Variants in SH3RF1 observed in about 807,000 individuals in gnomAD.
SH3RF1 encodes SH3 domain containing ring finger 1, also known as E3 ubiquitin-protein ligase SH3RF1.
A neutral mutation model predicts 74.0 loss-of-function variants in SH3RF1; 32 were observed. That is an observed-to-expected ratio of 0.43 (90% CI 0.33 to 0.58). SH3RF1 has a LOEUF of 0.58. Ranked by LOEUF, SH3RF1 falls within the 20% of genes least tolerant of loss-of-function variation. The pLI, the probability that SH3RF1 is intolerant of heterozygous loss-of-function variation, is 0.05. For missense variants in SH3RF1, 954 were observed against 1,130.9 expected (o/e 0.84, Z 2.24); for synonymous variants, 396 against 439.6 (o/e 0.90, Z 1.24).
At chr4:169,116,671 C>T in intron 9 of SH3RF1, 41 bp from the exon 10 acceptor site, 2 of 1,504,190 alleles carry the variant, frequency 1.3e-6, no homozygotes, top group Non-Finnish European at 1.8e-6. Flanking sequence ...ATTCAACTAT[C>T]TAATAGATGC....
intron 6 of SH3RF1, among the ~76,000 whole-genome samples, chr4:169,126,809 T>G (rs943466903): frequency 6.6e-6 from 1 of 152,174 alleles, no homozygotes; most frequent in Non-Finnish European, 1.5e-5. Context: ...CATGCTGGTC[T>G]CGAACTCCTG....
intron 2 of SH3RF1, among the ~76,000 whole-genome samples, chr4:169,255,914 C>T (rs557796072): frequency 6.6e-5 from 10 of 152,072 alleles, no homozygotes; most frequent in South Asian, 2.1e-4. Context: ...AGAGCAGGCA[C>T]GAGCCACCAT....
intron 2 of SH3RF1, among the ~76,000 whole-genome samples, chr4:169,213,589 T>A (rs2660415): frequency 0.65 from 99,532 of 152,104 alleles, 32,613 homozygotes; most frequent in Middle Eastern, 0.78. Flanking sequence ...GCATCTAAAA[T>A]GTCACCACCA....
chr4:169,097,004 C>A (rs1034664664), intron 11 of SH3RF1, among the ~76,000 whole-genome samples: 1 of 152,096 alleles, frequency 6.6e-6, no homozygotes, highest in African/African-American at 2.4e-5. Flanking sequence ...TTTCATTTCC[C>A]GAGAGGGGTA....
intron 2 of SH3RF1, among the ~76,000 whole-genome samples, chr4:169,227,991 TA>T (rs1730677420): frequency 6.6e-6 from 1 of 152,258 alleles, no homozygotes; most frequent in Non-Finnish European, 1.5e-5. Flanking sequence ...TGAATTTTAT[TA>T]AGGATTTCAT....
intron 2 of SH3RF1, among the ~76,000 whole-genome samples, chr4:169,169,477 G>A (rs145561500): frequency 6.6e-6 from 1 of 151,920 alleles, no homozygotes; most frequent in East Asian, 1.9e-4. Flanking sequence ...CATACCTGTA[G>A]TCCCAGCTAC....
chr4:169,157,853 G>C (rs1332196847), intron 2 of SH3RF1, among the ~76,000 whole-genome samples: 2 of 151,620 alleles, frequency 1.3e-5, no homozygotes, highest in Non-Finnish European at 2.9e-5. Flanking sequence ...TGATTTTAAC[G>C]CTTCAGCCTC....
chr4:169,228,553 C>G (rs1220940608), intron 2 of SH3RF1, among the ~76,000 whole-genome samples: 1 of 152,158 alleles, frequency 6.6e-6, no homozygotes, highest in Admixed American at 6.5e-5. Context: ...CCTCGCTATT[C>G]CACTTCTAAA....
chr4:169,260,085 T>C (rs1579168222), intron 2 of SH3RF1, among the ~76,000 whole-genome samples: 1 of 152,000 alleles, frequency 6.6e-6, no homozygotes, highest in African/African-American at 2.4e-5. Context: ...TTCTTCCCAA[T>C]AGAGTGAGTT....
intron 2 of SH3RF1, among the ~76,000 whole-genome samples, chr4:169,180,467 C>T (rs1734490902): frequency 6.6e-6 from 1 of 152,176 alleles, no homozygotes; most frequent in Non-Finnish European, 1.5e-5. Context: ...TAGTGAATTG[C>T]CCCTCACCAG....
At chr4:169,180,574 C>T (rs1047750002) in intron 2 of SH3RF1, among the ~76,000 whole-genome samples, 8 of 152,178 alleles carry the variant, frequency 5.3e-5, no homozygotes. Flanking sequence ...GGAGTATGGC[C>T]TATCCAGCAT....
At chr4:169,104,716 A>G (rs1469398478) in intron 11 of SH3RF1, among the ~76,000 whole-genome samples, 1 of 152,118 alleles carries the variant, frequency 6.6e-6, no homozygotes, top group Non-Finnish European at 1.5e-5. Flanking sequence ...ACCCTGGCCA[A>G]GATGGCAAAA....
At chr4:169,191,655 A>C (rs1471924302) in intron 2 of SH3RF1, among the ~76,000 whole-genome samples, 1 of 152,138 alleles carries the variant, frequency 6.6e-6, no homozygotes, top group African/African-American at 2.4e-5. Context: ...TACTAAAGCC[A>C]TAGTCACCAC....
At chr4:169,152,404 T>G (rs1460554509) in intron 4 of SH3RF1, among the ~76,000 whole-genome samples, 1 of 152,144 alleles carries the variant, frequency 6.6e-6, no homozygotes, top group Non-Finnish European at 1.5e-5. Context: ...CTTGAAAAAT[T>G]TTGTGTTCTA....
intron 2 of SH3RF1, among the ~76,000 whole-genome samples, chr4:169,192,639 T>C (rs1331110930): frequency 1.3e-5 from 2 of 152,024 alleles, no homozygotes; most frequent in Admixed American, 6.6e-5. Context: ...CTACTGGGTA[T>C]CTACCCAAAG....
intron 2 of SH3RF1, among the ~76,000 whole-genome samples, chr4:169,237,683 G>C (rs773265338): frequency 6.6e-6 from 1 of 152,036 alleles, no homozygotes; most frequent in Non-Finnish European, 1.5e-5. Flanking sequence ...ATTAAGGAGA[G>C]TGCCTTAAGA....
intron 11 of SH3RF1, among the ~76,000 whole-genome samples, chr4:169,102,749 A>G (rs1395781750): frequency 1.3e-5 from 2 of 151,926 alleles, no homozygotes; most frequent in Admixed American, 6.6e-5. Flanking sequence ...CAGTCTCTCT[A>G]ACAAACACAG....
chr4:169,203,221 C>A (rs142489684), intron 2 of SH3RF1, among the ~76,000 whole-genome samples: 1 of 152,178 alleles, frequency 6.6e-6, no homozygotes, highest in Non-Finnish European at 1.5e-5. Flanking sequence ...TAACTCAAAG[C>A]ATCTTGCTCT....
intron 2 of SH3RF1, among the ~76,000 whole-genome samples, chr4:169,210,300 T>C (rs945126298): frequency 6.6e-6 from 1 of 152,226 alleles, no homozygotes; most frequent in Non-Finnish European, 1.5e-5. Flanking sequence ...AAGAATTATT[T>C]GCATTTGAAA....
Sources: gnomAD v4.1 joint callset for allele counts (sites outside exome capture counted in the v4.1 genomes callset) on GRCh38, gnomAD v4.1.1 for gene constraint, MANE v1.5 for transcripts, NCBI Gene and HGNC (gene_info 2026-07-23, HGNC 2026-07-21) for gene names.